CARS2: variants seen among roughly 807,000 people sequenced by gnomAD.
The protein encoded by CARS2 is probable cysteine--tRNA ligase, mitochondrial.
In CARS2, 52 loss-of-function variants were observed where a neutral mutation model predicts 68.8. The ratio of observed to expected loss-of-function variants is 0.76; its 90% CI spans 0.61 to 0.95. The LOEUF (loss-of-function observed/expected upper bound fraction) is 0.95. Among genes scored for constraint, CARS2 ranks in the 40% least tolerant of loss-of-function variants. The pLI is 0.00. For synonymous variants in CARS2, 314 were observed against 303.6 expected, an observed-to-expected ratio of 1.03 and a Z score of -0.36; for missense variants, 780 against 754.2, an observed-to-expected ratio of 1.03 and a Z score of -0.40.
chr13:110,671,227 C>A (rs1471057891), intron 7 of CARS2, among the ~76,000 whole-genome samples: 1 of 152,138 alleles, frequency 6.6e-6, no homozygotes, highest in Non-Finnish European at 1.5e-5. Flanking sequence ...CACAGAGATA[C>A]TCCTCGAGAA....
intron 3 of CARS2, among the ~76,000 whole-genome samples, chr13:110,694,906 T>C (rs1198592455): frequency 6.6e-6 from 1 of 152,102 alleles, no homozygotes; most frequent in Non-Finnish European, 1.5e-5. Context: ...TGGAAGAATA[T>C]GGGTAAAGAA....
chr13:110,712,244 A>C (rs1157982162), intron 1 of CARS2: 1 of 153,278 alleles, frequency 6.5e-6, no homozygotes, highest in Admixed American at 6.5e-5. Flanking sequence ...GGCTCTCCGG[A>C]AAAGAGAAAG....
chr13:110,705,554 G>A lies in CARS2; in HGVS notation c.242C>T (p.Thr81Ile). 1.2e-6 allele frequency: 2 copies of A among 1,613,262 alleles called. No individual in the cohort carries two copies. The highest frequency in any genetic ancestry group is 1.7e-6 in the Non-Finnish European group (2 of 1,179,302). Residue 81 changes from threonine (T) to isoleucine (I), a missense_variant, in exon 2 of 15, where the codon ACT (threonine) becomes ATT (isoleucine). Coordinates refer to ENST00000257347, the MANE Select transcript of CARS2 (RefSeq NM_024537.4). The surrounding 1 kb of genome is among the most constrained non-coding windows in gnomAD (Gnocchi z 4.0). ...EAASWYSCGPTVYDHAHLGHA... is the reference protein window; with the variant it reads ...EAASWYSCGPIVYDHAHLGHA... Reference sequence around the variant, plus strand: ...GCCAAGGTGCGCATGATCATATACAGTTGGTCCACAGCTATACCTGGAAAC... The same window carrying A: ...GCCAAGGTGCGCATGATCATATACAATTGGTCCACAGCTATACCTGGAAAC...
chr13:110,661,782 T>C (rs61970547), intron 9 of CARS2, among the ~76,000 whole-genome samples: 12,504 of 152,120 alleles, frequency 0.082, 665 homozygotes, highest in Middle Eastern at 0.15. Context: ...TAATGTTGTG[T>C]CTCAGGGAAT....
At chr13:110,704,464 C>T (rs1389505410) in intron 2 of CARS2, among the ~76,000 whole-genome samples, 2 of 152,298 alleles carry the variant, frequency 1.3e-5, no homozygotes, top group African/African-American at 2.4e-5. Context: ...TGGTTCATGC[C>T]TGTAATCCCA....
chr13:110,650,952 C>G, intron 10 of CARS2, 82 bp downstream of exon 10: 1 of 990,648 alleles, frequency 1.0e-6, no homozygotes, highest in Non-Finnish European at 1.6e-6. Flanking sequence ...ATTCTCTGGC[C>G]TGCATTTTGC....
chr13:110,696,063 A>G (rs576743604), intron 3 of CARS2, among the ~76,000 whole-genome samples: 1 of 152,224 alleles, frequency 6.6e-6, no homozygotes, highest in Admixed American at 6.5e-5. Context: ...GTTTGCTGAA[A>G]ATGATGGTTT....
chr13:110,689,149 A>G (rs2063386904), intron 3 of CARS2, among the ~76,000 whole-genome samples: 1 of 152,230 alleles, frequency 6.6e-6, no homozygotes, highest in Non-Finnish European at 1.5e-5. Flanking sequence ...AGGTTCGCTC[A>G]TGTTATTTCA....
chr13:110,661,184 C>A (rs1048466719), intron 9 of CARS2, among the ~76,000 whole-genome samples: 1 of 152,206 alleles, frequency 6.6e-6, no homozygotes, highest in Non-Finnish European at 1.5e-5. Context: ...AGCTCTGAAG[C>A]CAGCCATTGA....
chr13:110,663,676 C>G (rs2062571144), intron 8 of CARS2, 158 bp from the exon 9 acceptor site: 14 of 1,404,338 alleles, frequency 1.0e-5, no homozygotes, highest in Non-Finnish European at 1.2e-5. Flanking sequence ...TTCACCCGTG[C>G]TGGGCCTTCC....
At position 110,665,509 on chromosome 13, in the gene CARS2, C is replaced by G. The variant is rs757114173; in HGVS notation, c.919+1831G>C. 1.0e-5 allele frequency: 10 copies of G among 985,498 alleles called. No homozygotes were observed. The highest frequency in any genetic ancestry group is 1.7e-5 in the African/African-American group (1 of 57,368). The allele number at this position is 985,498 out of a possible 1,614,324, so 61.0% of individuals were successfully genotyped here. A position where few individuals can be genotyped will look rare whatever the true frequency, so the allele number is the denominator to read the frequency against. On this transcript the variant is annotated intron_variant, in intron 8 of 14. Coordinates refer to ENST00000257347, the MANE Select transcript of CARS2 (RefSeq NM_024537.4). The surrounding 1 kb of genome is among the most constrained non-coding windows in gnomAD (Gnocchi z 4.3). ...GGTGAACACGACCTCCGTTTCTAGA[C>G]CCGGCCCCTCCTCATTACCTGACAG... is the stretch of plus-strand genomic sequence containing the variant.
intron 13 of CARS2, 72 bp from the exon 14 acceptor site, chr13:110,642,593 T>C (rs1008749357): frequency 3.4e-6 from 5 of 1,470,916 alleles, no homozygotes; most frequent in African/African-American, 2.8e-5. Context: ...CACCCCGTGG[T>C]TGGGCTCTGG....
At chr13:110,642,116 G>A (rs1435114160) in intron 14 of CARS2, among the ~76,000 whole-genome samples, 199 bp downstream of exon 14, 1 of 152,142 alleles carries the variant, frequency 6.6e-6, no homozygotes, top group African/African-American at 2.4e-5. Context: ...CAGGAGAATC[G>A]CTTGAACCTG....
Position 110,705,376 on chromosome 13 carries a change from G to C in CARS2, c.275+145C>G, listed in dbSNP as rs2063910295. 1.6e-6 allele frequency: 1 copy of C among 622,188 alleles called. No homozygotes were observed. The highest frequency in any genetic ancestry group is 2.1e-5 in the South Asian group (1 of 47,752). The allele number at this position is 622,188 out of a possible 1,614,324, so 38.5% of individuals were successfully genotyped here. A position where few individuals can be genotyped will look rare whatever the true frequency, so the allele number is the denominator to read the frequency against. On this transcript the variant is annotated intron_variant, in intron 2 of 14. Coordinates refer to ENST00000257347, the MANE Select transcript of CARS2 (RefSeq NM_024537.4). This position sits in a 1 kb window ranked among gnomAD's most constrained non-coding sequence, Gnocchi z 4.0. ...CAGAATCCCTATAAGAACCAAATGA[G>C]GTTGTAACATTTCCCACAATGCCTG...
intron 9 of CARS2, among the ~76,000 whole-genome samples, chr13:110,662,290 C>A (rs572399965): frequency 6.6e-6 from 1 of 150,730 alleles, no homozygotes; most frequent in African/African-American, 2.5e-5. Flanking sequence ...TCCGACCCCC[C>A]TCTGCGTCAT....
intron 12 of CARS2, 138 bp downstream of exon 12, chr13:110,645,829 T>C: frequency 5.2e-6 from 6 of 1,152,064 alleles, no homozygotes; most frequent in East Asian, 5.1e-5. Context: ...AGACTCGGGC[T>C]CCATGAGTTC....
upstream of CARS2, among the ~76,000 whole-genome samples, chr13:110,711,132 A>C (rs1455611301): frequency 3.3e-5 from 5 of 152,020 alleles, no homozygotes; most frequent in African/African-American, 1.2e-4. Flanking sequence ...GAAAGGCGTA[A>C]TTTTCCTTAT....
In CARS2 at chr13:110,713,020, C is replaced by T; in HGVS notation, n.399+117G>A. On this transcript the variant is annotated intron_variant and non_coding_transcript_variant, in intron 1 of 2. Coordinates refer to the CARS2 transcript ENST00000485188. ...TCTGCGGCCGCAGCTCAAAGGACAC[C>T]GAGAGGGTGCCAGTGCGCATGCGCC... is the stretch of plus-strand genomic sequence containing the variant. The T allele has an allele frequency of 2.0e-6, 3 of 1,512,642 alleles. 1 individual carries two copies. The highest frequency in any genetic ancestry group is 2.4e-5 in the South Asian group (2 of 81,654). 93.7% of individuals were successfully genotyped at this position (1,512,642 alleles called of 1,614,324 possible). A position where few individuals can be genotyped will look rare whatever the true frequency, so the allele number is the denominator to read the frequency against.
intron 3 of CARS2, among the ~76,000 whole-genome samples, chr13:110,690,337 A>G (rs1207870370): frequency 2.6e-5 from 4 of 152,238 alleles, no homozygotes; most frequent in Admixed American, 2.6e-4. Flanking sequence ...GGGTGCCCAG[A>G]CTTGGCTTTC....
Sources: allele counts gnomAD v4.1 joint callset (sites outside exome capture counted in the v4.1 genomes callset), GRCh38; gene constraint gnomAD v4.1.1; non-coding constraint Gnocchi (gnomAD v3.1); transcripts MANE v1.5; gene names NCBI Gene and HGNC (gene_info 2026-07-23, HGNC 2026-07-21).